Variants in FAM184A observed in about 807,000 individuals in gnomAD.
FAM184A encodes protein FAM184A.
Under a neutral mutation model 143.8 loss-of-function variants are expected in FAM184A, and 99 were observed. The observed-to-expected ratio is 0.69, with a 90% CI of 0.58 to 0.81. FAM184A has a LOEUF of 0.81. Among genes scored for constraint, FAM184A ranks in the 40% least tolerant of loss-of-function variants. FAM184A has a pLI of 0.00. For synonymous variants in FAM184A, 427 were observed against 446.4 expected (o/e 0.96, Z 0.55); for missense variants, 1,217 against 1,310.5 (o/e 0.93, Z 1.10).
intron 1 of FAM184A, among the ~76,000 whole-genome samples, chr6:119,034,041 T>TATAGAGAGAG (rs1409214932): frequency 1.2e-4 from 5 of 42,006 alleles, no homozygotes; most frequent in African/African-American, 5.3e-4. Flanking sequence ...TATATATATA[T>TATAGAGAGAG]AGAGAGAGAG....
chr6:119,065,173 A>C (rs1454394265), intron 1 of FAM184A, among the ~76,000 whole-genome samples: 1 of 152,170 alleles, frequency 6.6e-6, no homozygotes, highest in African/African-American at 2.4e-5. Flanking sequence ...AGATGATGAC[A>C]TGTCACCATT....
chr6:118,962,632 CAT>C (rs1244856287), intron 16 of FAM184A: 1 of 152,062 alleles, frequency 6.6e-6, no homozygotes, highest in Non-Finnish European at 1.5e-5. Flanking sequence ...TTAATTGGCT[CAT>C]ATTTTTTAAA....
intron 1 of FAM184A, among the ~76,000 whole-genome samples, chr6:119,059,406 T>C (rs1787133799): frequency 1.3e-5 from 2 of 152,248 alleles, no homozygotes; most frequent in South Asian, 4.1e-4. Flanking sequence ...CACATTTTTC[T>C]TCCAATGTAT....
At chr6:119,141,638 G>A (rs890138823) in intron 1 of FAM184A, among the ~76,000 whole-genome samples, 1 of 152,004 alleles carries the variant, frequency 6.6e-6, no homozygotes, top group Admixed American at 6.6e-5. Flanking sequence ...CACCATGCCC[G>A]GCTAGTTTTT....
At chr6:119,065,460 A>AC (rs1787414522) in intron 1 of FAM184A, among the ~76,000 whole-genome samples, 1 of 152,220 alleles carries the variant, frequency 6.6e-6, no homozygotes, top group African/African-American at 2.4e-5. Flanking sequence ...GATAATAAAC[A>AC]CTTGCTGTTT....
Position 118,966,858 on chromosome 6 carries a change from C to T in FAM184A, c.3010G>A (p.Asp1004Asn), listed in dbSNP as rs987667708. The T allele has an allele frequency of 1.3e-6, 2 of 1,584,992 alleles. No homozygotes were observed. The highest frequency in any genetic ancestry group is 1.7e-5 in the Admixed American group (1 of 59,126). Residue 1004 changes from aspartate (D) to asparagine (N), a missense_variant, in exon 15 of 18, where the codon GAC (aspartate) becomes AAC (asparagine). Physicochemically the swap from Asp to Asn is conservative, Grantham distance 23. Transcript: ENST00000338891. ...TELKAMLTER[D>N]QIIKKLIEDN... is the part of the protein sequence containing the mutation. The stretch of plus-strand genomic sequence containing the variant: ...ACAATTAGTTTCTTTATGATCTGGT[C>T]TCTTTCTGTAAGCATGGCTTTTAAT...
At chr6:119,058,057 T>C (rs116719444) in intron 1 of FAM184A, 192 of 151,666 alleles carry the variant, frequency 1.3e-3, no homozygotes, top group African/African-American at 4.5e-3. Flanking sequence ...CCTGAAAGTG[T>C]ACATTGTGGC....
In FAM184A at chr6:119,022,990, T is replaced by C; in HGVS notation, c.1105A>G (p.Arg369Gly). 1 of 1,614,238 alleles carries C rather than the reference T, an allele frequency of 6.2e-7. No homozygotes were observed. The highest frequency in any genetic ancestry group is 8.5e-7 in the Non-Finnish European group (1 of 1,180,038). ...KEVESELAAA[R>G]ERLQQQASDL... is the part of the protein sequence containing the mutation. ...GAAGCTTGCTGTTGTAAACGTTCTC[T>C]GGCAGCTGCTAGCTCACTTTCCACT... The change falls in exon 3 of 18, where the codon AGA (arginine) becomes GGA (glycine). Residue 369 changes from arginine to glycine, a missense_variant. Transcript: ENST00000338891.
intron 1 of FAM184A, among the ~76,000 whole-genome samples, chr6:119,136,147 G>A (rs968192386): frequency 2.0e-5 from 3 of 149,456 alleles, no homozygotes; most frequent in East Asian, 1.9e-4. Flanking sequence ...GCGCGGTGGC[G>A]GGCGCCTGTA....
chr6:119,087,364 G>A (rs528981585), intron 1 of FAM184A, among the ~76,000 whole-genome samples: 100 of 152,286 alleles, frequency 6.6e-4, no homozygotes, highest in African/African-American at 2.3e-3. Flanking sequence ...AATATCCAGA[G>A]CATATAAAGA....
At chr6:119,051,741 A>C (rs1786776663) in intron 1 of FAM184A, among the ~76,000 whole-genome samples, 1 of 152,204 alleles carries the variant, frequency 6.6e-6, no homozygotes, top group African/African-American at 2.4e-5. Context: ...GTAAAGTAAG[A>C]GGTAAAATAA....
chr6:119,048,648 AAATACCTAAGAAT>A (rs1305242434), intron 1 of FAM184A, among the ~76,000 whole-genome samples: 1 of 152,162 alleles, frequency 6.6e-6, no homozygotes, highest in Non-Finnish European at 1.5e-5. Flanking sequence ...AAAAAGAATA[AAATACCTAAGAAT>A]ACCTGTACAC....
At chr6:119,050,338 G>C (rs1251038306) in intron 1 of FAM184A, among the ~76,000 whole-genome samples, 1 of 152,050 alleles carries the variant, frequency 6.6e-6, no homozygotes, top group African/African-American at 2.4e-5. Context: ...TATATACCCA[G>C]AGGAATATAA....
At chr6:119,113,857 G>A (rs1788994314) in intron 1 of FAM184A, among the ~76,000 whole-genome samples, 1 of 152,118 alleles carries the variant, frequency 6.6e-6, no homozygotes, top group African/African-American at 2.4e-5. Flanking sequence ...CATGAGAACT[G>A]CTTGAACCCG....
chr6:119,035,795 CCT>C (rs1267761834), intron 1 of FAM184A, among the ~76,000 whole-genome samples: 4 of 152,128 alleles, frequency 2.6e-5, no homozygotes, highest in Non-Finnish European at 2.9e-5. Flanking sequence ...AAACCCCCAC[CCT>C]GTCACCCTCC....
chr6:119,071,860 CT>C (rs35786966), intron 1 of FAM184A, among the ~76,000 whole-genome samples: 1,067 of 94,144 alleles, frequency 0.011, 8 homozygotes, highest in Middle Eastern at 0.033. Flanking sequence ...AACCTTTAAT[CT>C]TTTTTTTTTT....
At chr6:119,038,425 C>A (rs527616384) in intron 1 of FAM184A, among the ~76,000 whole-genome samples, 1 of 152,232 alleles carries the variant, frequency 6.6e-6, no homozygotes, top group African/African-American at 2.4e-5. Flanking sequence ...GTCACAAAGA[C>A]CTTGCTGATA....
At chr6:119,108,522 G>A (rs1397917092) in intron 1 of FAM184A, among the ~76,000 whole-genome samples, 1 of 152,022 alleles carries the variant, frequency 6.6e-6, no homozygotes, top group Non-Finnish European at 1.5e-5. Context: ...TGGTGTACTG[G>A]GGTTGTCACT....
At chr6:119,134,007 A>G (rs1312749059) in intron 1 of FAM184A, among the ~76,000 whole-genome samples, 2 of 151,966 alleles carry the variant, frequency 1.3e-5, no homozygotes, top group Non-Finnish European at 2.9e-5. Flanking sequence ...AAGAAGACAC[A>G]AAAGTGCAAA....
Sources: allele counts gnomAD v4.1 joint callset (sites outside exome capture counted in the v4.1 genomes callset), GRCh38; gene constraint gnomAD v4.1.1; transcripts MANE v1.5; gene names NCBI Gene and HGNC (gene_info 2026-07-23, HGNC 2026-07-21).